The following LPP variants were observed in gnomAD, a reference collection of about 807,000 sequenced individuals.
The protein encoded by LPP is LIM domain containing preferred translocation partner in lipoma.
A neutral mutation model predicts 60.4 loss-of-function variants in LPP; 38 were observed. That is an observed-to-expected ratio of 0.63 (90% CI 0.49 to 0.83). The LOEUF is 0.83. Among genes scored for constraint, LPP ranks in the 40% least tolerant of loss-of-function variants. The pLI is 0.00. For synonymous variants in LPP, 328 were observed against 290.8 expected, an observed-to-expected ratio of 1.13 and a Z score of -1.30; for missense variants, 902 against 783.6, an observed-to-expected ratio of 1.15 and a Z score of -1.80.
At chr3:188,486,497 T>C (rs937529200) in intron 5 of LPP, among the ~76,000 whole-genome samples, 1 of 152,142 alleles carries the variant, frequency 6.6e-6, no homozygotes, top group Admixed American at 6.6e-5. Context: ...ATTATCAATA[T>C]GGCCCCACTG....
chr3:188,452,054 G>A (rs900261421), intron 4 of LPP, among the ~76,000 whole-genome samples: 8 of 152,094 alleles, frequency 5.3e-5, no homozygotes, highest in Non-Finnish European at 1.0e-4. Flanking sequence ...AGAAACAGCC[G>A]TACTTAACAA....
intron 2 of LPP, among the ~76,000 whole-genome samples, chr3:188,281,379 A>G (rs1236004185): frequency 6.6e-6 from 1 of 152,070 alleles, no homozygotes; most frequent in Non-Finnish European, 1.5e-5. Flanking sequence ...AGGCAGATGG[A>G]TCACTTGAGG....
chr3:188,269,202 A>G (rs1472143580), intron 2 of LPP, among the ~76,000 whole-genome samples: 1 of 152,210 alleles, frequency 6.6e-6, no homozygotes, highest in Admixed American at 6.5e-5. Context: ...GGAGATCGTA[A>G]TATCTTTATG....
At chr3:188,315,900 G>A (rs1310683166) in intron 2 of LPP, among the ~76,000 whole-genome samples, 3 of 152,168 alleles carry the variant, frequency 2.0e-5, no homozygotes, top group Non-Finnish European at 4.4e-5. Flanking sequence ...ACCTTTTTAG[G>A]TCATGATATT....
At chr3:188,731,522 T>TTTTGTTTTGTTTTGTTTTG (rs1299122130) in intron 8 of LPP, among the ~76,000 whole-genome samples, 5 of 151,462 alleles carry the variant, frequency 3.3e-5, no homozygotes, top group African/African-American at 1.2e-4. Context: ...GTTTTTTTTG[T>TTTTGTTTTGTTTTGTTTTG]TTTGTTTTGT....
intron 4 of LPP, among the ~76,000 whole-genome samples, chr3:188,445,591 A>G (rs1795037824): frequency 6.6e-6 from 1 of 152,166 alleles, no homozygotes; most frequent in Non-Finnish European, 1.5e-5. Context: ...TACCTATGTA[A>G]CAAACCTGCA....
chr3:188,438,749 C>A (rs1045571072), intron 4 of LPP, among the ~76,000 whole-genome samples: 2 of 152,154 alleles, frequency 1.3e-5, no homozygotes, highest in African/African-American at 4.8e-5. Context: ...AACGTAAAAA[C>A]CACGTGAAGA....
chr3:188,298,337 C>T (rs1050928007), intron 2 of LPP, among the ~76,000 whole-genome samples: 1 of 152,186 alleles, frequency 6.6e-6, no homozygotes, highest in African/African-American at 2.4e-5. Context: ...CTTTGTCCAC[C>T]ATGAGCACAG....
intron 8 of LPP, among the ~76,000 whole-genome samples, chr3:188,749,649 G>C (rs1727438601): frequency 6.6e-6 from 1 of 152,062 alleles, no homozygotes. Context: ...TACTTCTCAA[G>C]TCATGTACAA....
At chr3:188,842,045 T>C (rs1280771632) in intron 9 of LPP, among the ~76,000 whole-genome samples, 1 of 152,200 alleles carries the variant, frequency 6.6e-6, no homozygotes, top group East Asian at 1.9e-4. Flanking sequence ...TTTGTTTCTC[T>C]TGCCCGATTG....
chr3:188,744,340 T>C (rs1259366004), intron 8 of LPP, among the ~76,000 whole-genome samples: 1 of 152,154 alleles, frequency 6.6e-6, no homozygotes, highest in Non-Finnish European at 1.5e-5. Context: ...TTTCTTACCT[T>C]TCATTTTCTC....
intron 1 of LPP, among the ~76,000 whole-genome samples, chr3:188,173,699 G>A (rs1487747145): frequency 6.6e-6 from 1 of 152,108 alleles, no homozygotes; most frequent in Non-Finnish European, 1.5e-5. Flanking sequence ...CTCCCTGAAG[G>A]GCTCCAGCAA....
At chr3:188,311,657 T>C (rs1753492806) in intron 2 of LPP, among the ~76,000 whole-genome samples, 2 of 143,778 alleles carry the variant, frequency 1.4e-5, no homozygotes, top group African/African-American at 5.2e-5. Context: ...CTGTTTTTTT[T>C]CTGTTTTCTG....
intron 7 of LPP, among the ~76,000 whole-genome samples, chr3:188,702,606 T>C (rs1864703639): frequency 6.6e-6 from 1 of 152,210 alleles, no homozygotes; most frequent in Non-Finnish European, 1.5e-5. Flanking sequence ...TAAGACAATT[T>C]TGACGGAGTC....
intron 5 of LPP, among the ~76,000 whole-genome samples, chr3:188,488,496 T>C (rs1400461222): frequency 2.0e-5 from 3 of 152,172 alleles, no homozygotes; most frequent in Admixed American, 2.0e-4. Flanking sequence ...AATTCATTTG[T>C]TCTTCATTCA....
chr3:188,377,040 C>G (rs911834458), intron 3 of LPP, among the ~76,000 whole-genome samples: 79 of 152,228 alleles, frequency 5.2e-4, no homozygotes, highest in African/African-American at 1.9e-3. Context: ...GGTCCCCGCT[C>G]TCTTCTGGCT....
At chr3:188,825,614 A>C (rs1373907082) in intron 9 of LPP, among the ~76,000 whole-genome samples, 1 of 151,896 alleles carries the variant, frequency 6.6e-6, no homozygotes, top group Non-Finnish European at 1.5e-5. Flanking sequence ...TCTGCTCTTG[A>C]AGATACCAGG....
At chr3:188,660,928 A>G (rs1854439759) in intron 7 of LPP, among the ~76,000 whole-genome samples, 2 of 152,082 alleles carry the variant, frequency 1.3e-5, no homozygotes, top group South Asian at 2.1e-4. Flanking sequence ...AGTGTGTAGC[A>G]TTTATTTCCC....
At chr3:188,746,581 C>T (rs1726292996) in intron 8 of LPP, 1 of 478,600 alleles carries the variant, frequency 2.1e-6, no homozygotes, top group Admixed American at 2.4e-5. Flanking sequence ...TTGCCCAAGA[C>T]AGAACTTCAA....
Sources: gnomAD v4.1 joint callset for allele counts (sites outside exome capture counted in the v4.1 genomes callset) on GRCh38, gnomAD v4.1.1 for gene constraint, MANE v1.5 for transcripts, NCBI Gene and HGNC (gene_info 2026-07-23, HGNC 2026-07-21) for gene names.